The following THSD4 variants were observed in gnomAD, a reference collection of about 807,000 sequenced individuals.
THSD4 encodes the protein thrombospondin type 1 domain containing 4, also known as thrombospondin type-1 domain-containing protein 4.
A neutral mutation model predicts 119.0 loss-of-function variants in THSD4; 69 were observed. That is an observed-to-expected ratio of 0.58 (90% CI 0.48 to 0.71). The LOEUF (loss-of-function observed/expected upper bound fraction) is 0.71, where lower values mean the gene tolerates loss of function less well. THSD4 is among the 30% of genes least tolerant of loss of function. The pLI is 0.00. For missense variants in THSD4, 1,393 were observed against 1,391.1 expected, an observed-to-expected ratio of 1.00 and a Z score of -0.02; for synonymous variants, 524 against 540.4, an observed-to-expected ratio of 0.97 and a Z score of 0.42.
intron 8 of THSD4, among the ~76,000 whole-genome samples, chr15:71,716,936 A>C (rs1225916778): frequency 6.6e-6 from 1 of 152,258 alleles, no homozygotes; most frequent in African/African-American, 2.4e-5. Context: ...AGACCTGACC[A>C]GATGACCAAG....
chr15:71,501,748 A>G lies in THSD4; in HGVS notation c.1152+89925A>G, dbSNP rs192423335. On this transcript the variant is annotated intron_variant, in intron 7 of 17. Coordinates refer to ENST00000261862, the MANE Select transcript of THSD4 (RefSeq NM_024817.3). ...TTGTGTTCCTTTTCATCTGTGATCC[A>G]TCATGACCTCTCAATTGTTTTCTAC... 8.6e-4 allele frequency among the ~76,000 whole-genome samples: 131 copies of G among 152,356 alleles called. No homozygotes were observed. The East Asian group carries it at 8.9e-3, about 10-fold the overall frequency.
At chr15:71,617,987 A>T (rs1567065032) in intron 7 of THSD4, among the ~76,000 whole-genome samples, 1 of 152,056 alleles carries the variant, frequency 6.6e-6, no homozygotes, top group Non-Finnish European at 1.5e-5. Flanking sequence ...ATGTCCAAAG[A>T]CTCCAAACAA....
chr15:71,777,476 G>A lies in THSD4; in HGVS notation c.*102G>A. 7 of 1,480,108 alleles carry A rather than the reference G, an allele frequency of 4.7e-6. No individual in the cohort carries two copies. Among genetic ancestry groups the A allele is most frequent in the Non-Finnish European group, 6.3e-6 (7 of 1,113,690 alleles). 91.7% of individuals were successfully genotyped at this position (1,480,108 alleles called of 1,614,324 possible). ...CTCCACCACGGGCCCCCTGGCCCAG[G>A]CGCTGCCAACCAACTTAGTCACCAC... is the stretch of plus-strand genomic sequence containing the variant. On this transcript the variant is annotated 3_prime_UTR_variant, in exon 18 of 18. Coordinates refer to ENST00000261862, the MANE Select transcript of THSD4 (RefSeq NM_024817.3).
At chr15:71,519,342 A>G (rs2048406194) in intron 7 of THSD4, among the ~76,000 whole-genome samples, 1 of 152,100 alleles carries the variant, frequency 6.6e-6, no homozygotes, top group Admixed American at 6.6e-5. Flanking sequence ...CAGAAACGGT[A>G]TATGATCTGA....
intron 6 of THSD4, among the ~76,000 whole-genome samples, chr15:71,355,259 G>A (rs117894034): frequency 1.6e-3 from 240 of 152,288 alleles, no homozygotes; most frequent in Middle Eastern, 0.014. Context: ...ATTGCATAAG[G>A]TGAGTGTTAA....
chr15:71,745,877 A>C (rs1318891850), intron 12 of THSD4, among the ~76,000 whole-genome samples: 1 of 152,126 alleles, frequency 6.6e-6, no homozygotes, highest in Non-Finnish European at 1.5e-5. Flanking sequence ...ACTCCTGAGC[A>C]CTAATGGTCT....
intron 7 of THSD4, among the ~76,000 whole-genome samples, chr15:71,512,744 CTTTTTTTTA>C (rs147197991): frequency 1.1e-3 from 162 of 151,182 alleles, no homozygotes; most frequent in African/African-American, 3.8e-3. Context: ...CCTTTTTTTT[CTTTTTTTTA>C]AGAAATAAAA....
chr15:71,345,486 T>C (rs867561817), intron 6 of THSD4, among the ~76,000 whole-genome samples: 6 of 152,162 alleles, frequency 3.9e-5, no homozygotes, highest in South Asian at 4.1e-4. Context: ...ACCAATTGGA[T>C]TTGGTAATAA....
chr15:71,362,030 C>T (rs2045897889), intron 6 of THSD4, among the ~76,000 whole-genome samples: 1 of 152,180 alleles, frequency 6.6e-6, no homozygotes, highest in East Asian at 1.9e-4. Flanking sequence ...ATAATCCCAG[C>T]ACTTGGGAGG....
chr15:71,232,091 C>G (rs532253848), intron 4 of THSD4, among the ~76,000 whole-genome samples: 3 of 152,214 alleles, frequency 2.0e-5, no homozygotes, highest in Admixed American at 1.3e-4. Context: ...TGAACACACA[C>G]GTTTCTGGTC....
At chr15:71,267,369 A>AT (rs1803108666) in intron 6 of THSD4, among the ~76,000 whole-genome samples, 2 of 152,244 alleles carry the variant, frequency 1.3e-5, no homozygotes, top group South Asian at 4.1e-4. Context: ...ACTAAGCTTC[A>AT]TAAGTGAAGG....
chr15:71,627,710 T>G (rs1315566007), intron 7 of THSD4, among the ~76,000 whole-genome samples: 1 of 152,158 alleles, frequency 6.6e-6, no homozygotes, highest in African/African-American at 2.4e-5. Flanking sequence ...TTTCAGGGTA[T>G]TGTACAATAG....
At chr15:71,351,749 T>C (rs1160166797) in intron 6 of THSD4, among the ~76,000 whole-genome samples, 1 of 152,188 alleles carries the variant, frequency 6.6e-6, no homozygotes, top group Non-Finnish European at 1.5e-5. Context: ...TATGGCCAGA[T>C]TGGACTTGAA....
chr15:71,653,470 G>A (rs1001726248), intron 7 of THSD4, among the ~76,000 whole-genome samples: 4 of 152,172 alleles, frequency 2.6e-5, no homozygotes, highest in Non-Finnish European at 4.4e-5. Flanking sequence ...AGACATTTTT[G>A]TTTGTCACAC....
At chr15:71,708,062 CT>C (rs2052427632) in intron 8 of THSD4, among the ~76,000 whole-genome samples, 4 of 152,278 alleles carry the variant, frequency 2.6e-5, no homozygotes, top group Admixed American at 6.5e-5. Context: ...TCTGTACTGT[CT>C]GGGAAGTTTT....
intron 7 of THSD4, among the ~76,000 whole-genome samples, chr15:71,463,321 A>G (rs1795553135): frequency 6.6e-6 from 1 of 152,214 alleles, no homozygotes; most frequent in South Asian, 2.1e-4. Flanking sequence ...AATGAGGAGT[A>G]GAACAGGACC....
intron 6 of THSD4, among the ~76,000 whole-genome samples, chr15:71,373,463 C>T (rs1005718124): frequency 6.6e-5 from 10 of 152,090 alleles, no homozygotes; most frequent in East Asian, 3.9e-4. Context: ...CAGGATATCC[C>T]GGTGGCTGAA....
chr15:71,346,606 A>G (rs960539487), intron 6 of THSD4, among the ~76,000 whole-genome samples: 5 of 152,160 alleles, frequency 3.3e-5, no homozygotes, highest in Non-Finnish European at 5.9e-5. Context: ...CCCTGGAATC[A>G]GCCATTTTTC....
At chr15:71,204,328 C>T (rs563619927) in intron 3 of THSD4, among the ~76,000 whole-genome samples, 14 of 152,260 alleles carry the variant, frequency 9.2e-5, no homozygotes, top group African/African-American at 3.1e-4. Flanking sequence ...TTTGGCTGGG[C>T]CCTGCTTTTA....
Sources: gnomAD v4.1 joint callset for allele counts (sites outside exome capture counted in the v4.1 genomes callset) on GRCh38, gnomAD v4.1.1 for gene constraint, MANE v1.5 for transcripts, NCBI Gene and HGNC (gene_info 2026-07-23, HGNC 2026-07-21) for gene names.